Variants in ESYT3 observed in about 807,000 individuals in gnomAD.
ESYT3 encodes the protein extended synaptotagmin 3.
ESYT3 carries 101 observed loss-of-function variants against 111.5 expected under a neutral mutation model. The ratio of observed to expected loss-of-function variants is 0.91; its 90% CI spans 0.77 to 1.07. ESYT3 has a LOEUF of 1.07. Ranked by LOEUF, ESYT3 falls within the 50% of genes least tolerant of loss-of-function variation. The pLI is 0.00. For synonymous variants in ESYT3, 416 were observed against 446.8 expected (o/e 0.93, Z 0.87); for missense variants, 1,097 against 1,109.4 (o/e 0.99, Z 0.16).
chr3:138,462,036 A>G, intron 7 of ESYT3, 50 bp from the exon 8 acceptor site: 1 of 1,610,024 alleles, frequency 6.2e-7, no homozygotes, highest in East Asian at 2.2e-5. Context: ...GGCAGGTGGC[A>G]TGGGGGAGGC....
At chr3:138,470,733 A>G (rs916224609) in intron 16 of ESYT3, 144 bp from the exon 17 acceptor site, 82 of 1,503,256 alleles carry the variant, frequency 5.5e-5, no homozygotes, top group Admixed American at 8.8e-5. Context: ...GCCTGATCCC[A>G]TTCTAGTTTT....
At position 138,473,608 on chromosome 3, in the gene ESYT3, C is replaced by T. The variant is rs374857334; in HGVS notation, c.2310C>T (p.Cys770=). 152 of 1,613,652 alleles carry T rather than the reference C, an allele frequency of 9.4e-5. 1 individual carries two copies. The highest frequency in any genetic ancestry group is 1.2e-4 in the Non-Finnish European group (146 of 1,179,796). The change falls in exon 19 of 23, where the codon TGC becomes TGT. Residue 770 remains cysteine, a synonymous_variant. Transcript: ENST00000389567. ...TGCGCTATGTGTGTCTGCGGCGCTGCCTCAGCGTGCTAATCAATGGCTGCA... is the reference window on the plus strand; with the variant it reads ...TGCGCTATGTGTGTCTGCGGCGCTGTCTCAGCGTGCTAATCAATGGCTGCA... ...LTVRYVCLRR[C]LSVLINGCRN...
intron 21 of ESYT3, 26 bp downstream of exon 21, chr3:138,476,354 C>T: frequency 1.9e-6 from 3 of 1,597,066 alleles, no homozygotes. Context: ...ATTTGATATA[C>T]CAAGGAGATT....
intron 1 of ESYT3, among the ~76,000 whole-genome samples, chr3:138,438,517 C>T (rs1397166400): frequency 6.6e-6 from 1 of 152,172 alleles, no homozygotes; most frequent in Non-Finnish European, 1.5e-5. Flanking sequence ...GCGGGGATGC[C>T]ATCCTTCCCC....
intron 7 of ESYT3, among the ~76,000 whole-genome samples, chr3:138,461,588 A>T (rs2032642873): frequency 1.3e-5 from 2 of 152,154 alleles, no homozygotes; most frequent in Non-Finnish European, 2.9e-5. Flanking sequence ...CTTTTATTCA[A>T]AAAGTATTTA....
chr3:138,441,866 A>G (rs2031178462), intron 1 of ESYT3, among the ~76,000 whole-genome samples: 1 of 151,850 alleles, frequency 6.6e-6, no homozygotes, highest in African/African-American at 2.4e-5. Flanking sequence ...AGCTAAGGAT[A>G]TGAGACTTGA....
rs141199230 is a variant in ESYT3, at chr3:138,453,648, G to A, written c.370-1546G>A. Among the ~76,000 whole-genome samples the A allele has an allele frequency of 8.3e-4, 126 of 152,068 alleles. No homozygotes were observed. The East Asian group carries it at 0.014, about 17-fold the overall frequency. ...CAGTCTTGTATCTCCAACGCCTTGT[G>A]TAGGCCTCTGTGTATTACTGAAAGA... On this transcript the variant is annotated intron_variant, in intron 2 of 22. Coordinates refer to ENST00000389567, the MANE Select transcript of ESYT3 (RefSeq NM_031913.5).
At chr3:138,439,434 C>T (rs1000391353) in intron 1 of ESYT3, among the ~76,000 whole-genome samples, 1 of 152,212 alleles carries the variant, frequency 6.6e-6, no homozygotes, top group African/African-American at 2.4e-5. Flanking sequence ...CGCGCTAGAG[C>T]TGCCTTCTGA....
chr3:138,437,890 G>C (rs2030841766), intron 1 of ESYT3, among the ~76,000 whole-genome samples: 1 of 152,178 alleles, frequency 6.6e-6, no homozygotes, highest in Non-Finnish European at 1.5e-5. Context: ...ATGAGAAACA[G>C]GTCTGGGGAG....
In ESYT3 at chr3:138,460,684, C is replaced by G. The variant is rs752295909; in HGVS notation, c.794+18C>G. On this transcript the variant is annotated intron_variant, in intron 7 of 22. Transcript: ENST00000389567. ...GGAATCAAGTAGGTGCCTGGGAGAG[C>G]CTCGAGGGAGATCATAAGTTTGGGG... 1.2e-6 allele frequency: 2 copies of G among 1,613,776 alleles called. No homozygotes were observed. The highest frequency in any genetic ancestry group is 1.7e-5 in the Admixed American group (1 of 60,018).
In ESYT3 at chr3:138,467,558, C is replaced by T. The variant is rs747035287; in HGVS notation, c.1170-3C>T. ...CCCAATCCCCTCTCCCTGTATATTC[C>T]AGCCTGCAGATCTGCCTTGGAGATG... On this transcript the variant is annotated splice_polypyrimidine_tract_variant and splice_region_variant and intron_variant, in intron 10 of 22. Transcript: ENST00000389567. The T allele has an allele frequency of 3.7e-5, 60 of 1,614,056 alleles. No individual in the cohort carries two copies. The highest frequency in any genetic ancestry group is 5.0e-5 in the Non-Finnish European group (59 of 1,180,038).
chr3:138,459,696 A>G (rs991950320), intron 5 of ESYT3, among the ~76,000 whole-genome samples: 3 of 152,220 alleles, frequency 2.0e-5, no homozygotes, highest in African/African-American at 7.2e-5. Context: ...CTCTCAGGCC[A>G]GCACACCCGT....
In ESYT3 at chr3:138,468,087, T is replaced by C; in HGVS notation, c.1219-18T>C. 6.2e-7 allele frequency: 1 copy of C among 1,613,762 alleles called. No individual in the cohort carries two copies. The highest frequency in any genetic ancestry group is 2.2e-5 in the East Asian group (1 of 44,862). ...CTCCCTGGCCCTTTTCCCTGAGCTT[T>C]CTGCCCCTACCCCACAGTGGTTTGT... On this transcript the variant is annotated intron_variant, in intron 11 of 22. Transcript: ENST00000389567.
intron 1 of ESYT3, among the ~76,000 whole-genome samples, chr3:138,449,680 G>A: frequency 6.6e-6 from 1 of 152,172 alleles, no homozygotes; most frequent in East Asian, 1.9e-4. Flanking sequence ...GGCCAAAGGT[G>A]TGGGATGGGA....
Position 138,477,434 on chromosome 3 carries a change from C to T in ESYT3, c.*580C>T, listed in dbSNP as rs1205617037. On this transcript the variant is annotated 3_prime_UTR_variant, in exon 23 of 23. Transcript: ENST00000389567. ...CCTGGATATTTGTTCTTTTATTTGA[C>T]CTGGAGCTAAAAATGTATTTCCCTA... is the stretch of plus-strand genomic sequence containing the variant. 1 of 152,360 alleles carries T rather than the reference C, an allele frequency of 6.6e-6. No individual in the cohort carries two copies. Among genetic ancestry groups the T allele is most frequent in the Non-Finnish European group, 1.5e-5 (1 of 68,206 alleles). The allele number at this position is 152,360 out of a possible 1,614,324, so 9.4% of individuals were successfully genotyped here.
At chr3:138,467,701 A>T in intron 11 of ESYT3, 92 bp downstream of exon 11, 1 of 1,190,584 alleles carries the variant, frequency 8.4e-7, no homozygotes, top group South Asian at 1.4e-5. Context: ...AGCTATTCCT[A>T]TGCTGTGGTC....
Position 138,476,270 on chromosome 3 carries a change from A to C in ESYT3, c.2516A>C (p.Asp839Ala). Reference sequence around the variant, plus strand: ...GAAGAAGTAAAGAAGAGGTCACTAGATGTTGCAGTGAAAAATAGTAGGCCA... The same window carrying C: ...GAAGAAGTAAAGAAGAGGTCACTAGCTGTTGCAGTGAAAAATAGTAGGCCA... ...PMEEVKKRSLDVAVKNSRPLG... is the reference protein window; with the variant it reads ...PMEEVKKRSLAVAVKNSRPLG... The change falls in exon 21 of 23, where the codon GAT becomes GCT. Residue 839 changes from aspartate to alanine, a missense_variant. Physicochemically the swap from Asp to Ala is moderately radical, Grantham distance 126. Coordinates refer to ENST00000389567, the MANE Select transcript of ESYT3 (RefSeq NM_031913.5). The C allele has an allele frequency of 1.2e-6, 2 of 1,614,090 alleles. No individual in the cohort carries two copies. Among genetic ancestry groups the C allele is most frequent in the Middle Eastern group, 1.7e-4 (1 of 6,058 alleles).
rs1014815099 is a variant in ESYT3, at chr3:138,435,734, A to C, written c.327+609A>C. Among the ~76,000 whole-genome samples, 2 of 151,936 alleles carry C rather than the reference A, an allele frequency of 1.3e-5. No homozygotes were observed. The highest frequency in any genetic ancestry group is 2.9e-5 in the Non-Finnish European group (2 of 67,954). ...CGGCACACGCACACTGCCCCGACAA[A>C]CCCATCTCCTGGGGCGGCATGGGCG... On this transcript the variant is annotated intron_variant, in intron 1 of 22. Coordinates refer to ENST00000389567, the MANE Select transcript of ESYT3 (RefSeq NM_031913.5). This position sits in a 1 kb window ranked among gnomAD's most constrained non-coding sequence, Gnocchi z 4.8.
At position 138,446,332 on chromosome 3, in the gene ESYT3, G is replaced by A. The variant is rs537904176; in HGVS notation, c.328-5716G>A. ...CAGACAGACCCAGGCTTGGGTCTCC[G>A]TTCTAGCACTCCACTACTGGAGATT... On this transcript the variant is annotated intron_variant, in intron 1 of 22. Transcript: ENST00000389567. Among the ~76,000 whole-genome samples the A allele has an allele frequency of 1.1e-4, 16 of 152,314 alleles. No individual in the cohort carries two copies. In the East Asian group the frequency reaches 2.3e-3, roughly 22 times the overall value.
Sources: allele counts gnomAD v4.1 joint callset (sites outside exome capture counted in the v4.1 genomes callset), GRCh38; gene constraint gnomAD v4.1.1; non-coding constraint Gnocchi (gnomAD v3.1); transcripts MANE v1.5; gene names NCBI Gene and HGNC (gene_info 2026-07-23, HGNC 2026-07-21).